Variants in PSMA1 observed in about 807,000 individuals in gnomAD.
PSMA1 encodes proteasome subunit alpha type-1.
PSMA1 carries 3 observed loss-of-function variants against 38.4 expected under a neutral mutation model. That is an observed-to-expected ratio of 0.08 (90% CI 0.04 to 0.20). The LOEUF is 0.20. Ranked by LOEUF, PSMA1 falls within the 10% of genes least tolerant of loss-of-function variation. The pLI is 1.00. For synonymous variants in PSMA1, 101 were observed against 107.1 expected, an observed-to-expected ratio of 0.94 and a Z score of 0.35; for missense variants, 227 against 325.3, an observed-to-expected ratio of 0.70 and a Z score of 2.32.
intron 2 of PSMA1, among the ~76,000 whole-genome samples, chr11:14,604,400 A>G (rs966166545): frequency 6.6e-6 from 1 of 152,174 alleles, no homozygotes; most frequent in Non-Finnish European, 1.5e-5. Flanking sequence ...TGTAGAATAT[A>G]TGTGACATCT....
At chr11:14,515,135 G>A (rs1239663366) in intron 4 of PSMA1, among the ~76,000 whole-genome samples, 1 of 152,186 alleles carries the variant, frequency 6.6e-6, no homozygotes, top group Non-Finnish European at 1.5e-5. Context: ...GCTTTGTCCA[G>A]TATATGCGTA....
In PSMA1 at chr11:14,505,243, A is replaced by G. The variant is rs1189828062; in HGVS notation, c.741T>C (p.Ala247=). The change falls in exon 10 of 10, where the codon GCT becomes GCC. Residue 247 remains alanine, a synonymous_variant. Transcript: ENST00000396394. ...EERPQRKAQP[A]QPADEPAEKA... ...TTTCTGCAGGTTCATCAGCAGGTTGAGCAGGCTTAACAGGGAAAGAAAAAA... is the reference window on the plus strand; with the variant it reads ...TTTCTGCAGGTTCATCAGCAGGTTGGGCAGGCTTAACAGGGAAAGAAAAAA... The G allele has an allele frequency of 1.2e-6, 2 of 1,613,566 alleles. No homozygotes were observed. Among genetic ancestry groups the G allele is most frequent in the African/African-American group, 2.7e-5 (2 of 74,914 alleles).
At chr11:14,610,171 C>G (rs1015039718) in intron 2 of PSMA1, among the ~76,000 whole-genome samples, 9 of 152,206 alleles carry the variant, frequency 5.9e-5, no homozygotes, top group African/African-American at 2.2e-4. Flanking sequence ...GCGGCATTTG[C>G]AACACCTCTG....
intron 2 of PSMA1, among the ~76,000 whole-genome samples, chr11:14,571,604 A>G (rs1322384413): frequency 6.6e-6 from 1 of 152,236 alleles, no homozygotes; most frequent in Non-Finnish European, 1.5e-5. Flanking sequence ...AACTGCATCA[A>G]CTAACGAGCA....
chr11:14,631,609 G>C (rs1445694166), intron 1 of PSMA1, among the ~76,000 whole-genome samples: 1 of 152,138 alleles, frequency 6.6e-6, no homozygotes, highest in African/African-American at 2.4e-5. Flanking sequence ...TTTGGAATAG[G>C]TGTGGTGTGG....
intron 9 of PSMA1, among the ~76,000 whole-genome samples, chr11:14,507,357 G>A (rs1343131539): frequency 5.3e-5 from 8 of 151,912 alleles, no homozygotes; most frequent in Admixed American, 3.3e-4. Flanking sequence ...TAGTAGAGAC[G>A]GGGTTTCACC....
chr11:14,596,283 C>A (rs1008756853), intron 2 of PSMA1, among the ~76,000 whole-genome samples: 13 of 152,046 alleles, frequency 8.6e-5, no homozygotes, highest in South Asian at 6.2e-4. Flanking sequence ...CTGTGAAGAA[C>A]GTCATTGGTA....
rs1851270691 is a variant in PSMA1 at position 14,507,782 on chromosome 11, T to C, written c.625-16A>G. ...TGGAAACATTCTGAAGGGTAAAATA[T>C]GGTAAAAGTAAAATAAGAGAATTTG... is the stretch of plus-strand genomic sequence containing the variant. On this transcript the variant is annotated splice_polypyrimidine_tract_variant and intron_variant, in intron 8 of 9. Coordinates refer to ENST00000396394, the MANE Select transcript of PSMA1 (RefSeq NM_002786.4). 3 of 1,479,206 alleles carry C rather than the reference T, an allele frequency of 2.0e-6. No individual in the cohort carries two copies. The highest frequency in any genetic ancestry group is 2.3e-5 in the East Asian group (1 of 44,166). 91.6% of individuals were successfully genotyped at this position (1,479,206 alleles called of 1,614,324 possible). A position where few individuals can be genotyped will look rare whatever the true frequency, so the allele number is the denominator to read the frequency against.
intron 2 of PSMA1, among the ~76,000 whole-genome samples, chr11:14,567,729 T>C (rs546102034): frequency 6.6e-6 from 1 of 152,366 alleles, no homozygotes; most frequent in African/African-American, 2.4e-5. Context: ...TCTCTTATAC[T>C]GTAAACAAGA....
At chr11:14,552,098 T>A (rs1430731637) in intron 2 of PSMA1, among the ~76,000 whole-genome samples, 1 of 152,182 alleles carries the variant, frequency 6.6e-6, no homozygotes, top group East Asian at 1.9e-4. Flanking sequence ...AGAAATGATC[T>A]TAGAGAGGAA....
At chr11:14,630,980 T>C (rs567231285) in intron 1 of PSMA1, among the ~76,000 whole-genome samples, 2 of 152,322 alleles carry the variant, frequency 1.3e-5, no homozygotes, top group South Asian at 2.1e-4. Context: ...TCCCTGAAGG[T>C]AGTTTGTATT....
At chr11:14,536,108 G>A (rs1323212171) in intron 2 of PSMA1, among the ~76,000 whole-genome samples, 1 of 152,180 alleles carries the variant, frequency 6.6e-6, no homozygotes, top group Non-Finnish European at 1.5e-5. Context: ...CACAGGTTTT[G>A]GAGCCAGACA....
chr11:14,622,913 C>T (rs563000172), intron 1 of PSMA1, among the ~76,000 whole-genome samples: 1 of 152,250 alleles, frequency 6.6e-6, no homozygotes, highest in Non-Finnish European at 1.5e-5. Context: ...AAGGCTATGC[C>T]ATTTGTAGCA....
intron 1 of PSMA1, chr11:14,611,239 T>A (rs1057423851): frequency 2.2e-6 from 1 of 460,152 alleles, no homozygotes; most frequent in African/African-American, 2.0e-5. Context: ...CTCACCAAAC[T>A]CTCTTCTCCT....
intron 2 of PSMA1, among the ~76,000 whole-genome samples, chr11:14,596,610 G>C (rs1243694233): frequency 1.3e-5 from 2 of 152,242 alleles, no homozygotes; most frequent in Non-Finnish European, 2.9e-5. Context: ...CTGAGACTTT[G>C]CTGAAGTTGC....
chr11:14,601,497 T>C (rs1852579683), intron 2 of PSMA1, among the ~76,000 whole-genome samples: 1 of 152,188 alleles, frequency 6.6e-6, no homozygotes, highest in Admixed American at 6.5e-5. Context: ...TGAAAGCCTC[T>C]AGATATGGCC....
exon 2 of PSMA1, chr11:14,611,130 T>A: frequency 1.4e-6 from 1 of 716,144 alleles, no homozygotes; most frequent in South Asian, 1.7e-5. Flanking sequence ...CATGAATACA[T>A]GCTTTTTGCA....
chr11:14,621,844 G>A (rs959424310), intron 1 of PSMA1, among the ~76,000 whole-genome samples: 1 of 152,128 alleles, frequency 6.6e-6, no homozygotes, highest in African/African-American at 2.4e-5. Flanking sequence ...TATCATATCT[G>A]ATGGTTCTCT....
At chr11:14,628,631 G>C (rs1208344081) in intron 1 of PSMA1, among the ~76,000 whole-genome samples, 1 of 147,492 alleles carries the variant, frequency 6.8e-6, no homozygotes, top group Non-Finnish European at 1.5e-5. Flanking sequence ...AAACATACGT[G>C]TGCATGTGTC....
Sources: gnomAD v4.1 joint callset for allele counts (sites outside exome capture counted in the v4.1 genomes callset) on GRCh38, gnomAD v4.1.1 for gene constraint, MANE v1.5 for transcripts, NCBI Gene and HGNC (gene_info 2026-07-23, HGNC 2026-07-21) for gene names.